GABBR2: variants seen among roughly 807,000 people sequenced by gnomAD.
The protein encoded by GABBR2 is G-protein coupled receptor 51.
A neutral mutation model predicts 105.6 loss-of-function variants in GABBR2; 23 were observed. The observed-to-expected ratio is 0.22, with a 90% CI of 0.16 to 0.31. The LOEUF (loss-of-function observed/expected upper bound fraction) is 0.31. Ranked by LOEUF, GABBR2 falls within the 10% of genes least tolerant of loss-of-function variation. The pLI, the probability that GABBR2 is intolerant of heterozygous loss-of-function variation, is 1.00. For missense variants in GABBR2, 734 were observed against 1,245.5 expected (o/e 0.59, Z 6.18); for synonymous variants, 478 against 499.7 (o/e 0.96, Z 0.58).
intron 2 of GABBR2, among the ~76,000 whole-genome samples, chr9:98,573,329 C>T (rs368497253): frequency 6.6e-6 from 1 of 152,116 alleles, no homozygotes; most frequent in East Asian, 1.9e-4. Flanking sequence ...TTCGCCCAGG[C>T]AGGAGTGCAG....
chr9:98,380,344 T>A (rs1055254014), intron 11 of GABBR2, among the ~76,000 whole-genome samples: 1 of 152,214 alleles, frequency 6.6e-6, no homozygotes, highest in Admixed American at 6.5e-5. Flanking sequence ...AGCCTCCTCA[T>A]CCTGTCTGCA....
At chr9:98,391,574 G>A (rs768958410) in intron 9 of GABBR2, among the ~76,000 whole-genome samples, 4 of 152,204 alleles carry the variant, frequency 2.6e-5, no homozygotes, top group Non-Finnish European at 5.9e-5. Flanking sequence ...AGGAGGTGAC[G>A]AAGGAGCTGA....
intron 8 of GABBR2, among the ~76,000 whole-genome samples, chr9:98,397,125 G>C (rs983839280): frequency 2.0e-5 from 3 of 152,184 alleles, no homozygotes; most frequent in Admixed American, 1.3e-4. Flanking sequence ...CCCCCATACT[G>C]AGCAGGGCTG....
chr9:98,448,286 C>T (rs945440928), intron 7 of GABBR2, among the ~76,000 whole-genome samples: 1 of 151,926 alleles, frequency 6.6e-6, no homozygotes, highest in Admixed American at 6.6e-5. Context: ...CCGAGACATT[C>T]CCCAGGAGCC....
At chr9:98,511,894 C>T (rs1197679144) in intron 3 of GABBR2, among the ~76,000 whole-genome samples, 2 of 152,186 alleles carry the variant, frequency 1.3e-5, no homozygotes, top group African/African-American at 4.8e-5. Context: ...GGAATCCTCC[C>T]TAACTCATTT....
At position 98,681,701 on chromosome 9, in the gene GABBR2, A is replaced by G. The variant is rs1830549521; in HGVS notation, c.321+26716T>C. The stretch of plus-strand genomic sequence containing the variant: ...AAATTATTTTTTATAAAATCAGCTC[A>G]TATTTTTCCATCTCCTTATGTCACC... On this transcript the variant is annotated intron_variant, in intron 1 of 18. Transcript: ENST00000259455. Among the ~76,000 whole-genome samples, 3 of 152,176 alleles carry G rather than the reference A, an allele frequency of 2.0e-5. No homozygotes were observed. In the South Asian group the frequency reaches 6.2e-4, roughly 32 times the overall value.
intron 7 of GABBR2, among the ~76,000 whole-genome samples, chr9:98,429,668 G>A (rs1449031116): frequency 2.0e-5 from 3 of 152,184 alleles, no homozygotes; most frequent in African/African-American, 7.2e-5. Flanking sequence ...CAGGAAGACA[G>A]GACCAAAGCT....
chr9:98,467,040 C>T (rs2131622035), intron 6 of GABBR2, among the ~76,000 whole-genome samples: 1 of 152,294 alleles, frequency 6.6e-6, no homozygotes, highest in East Asian at 1.9e-4. Context: ...AGGCCATATC[C>T]CCCTTTAATA....
chr9:98,428,839 C>T (rs909047751), intron 7 of GABBR2, among the ~76,000 whole-genome samples: 1 of 152,076 alleles, frequency 6.6e-6, no homozygotes, highest in Non-Finnish European at 1.5e-5. Context: ...TGGACCTGGC[C>T]CAGGAGAAAG....
intron 6 of GABBR2, among the ~76,000 whole-genome samples, chr9:98,459,797 T>C (rs1371005000): frequency 6.6e-6 from 1 of 152,158 alleles, no homozygotes; most frequent in Non-Finnish European, 1.5e-5. Flanking sequence ...CAAACCAAAA[T>C]AGATTGGGCC....
At chr9:98,511,550 C>A (rs1287616892) in intron 3 of GABBR2, among the ~76,000 whole-genome samples, 1 of 150,794 alleles carries the variant, frequency 6.6e-6, no homozygotes, top group Non-Finnish European at 1.5e-5. Context: ...ATCAAATAGA[C>A]ACAATAAAAA....
chr9:98,705,654 C>G (rs775790820), intron 1 of GABBR2, among the ~76,000 whole-genome samples: 1 of 152,268 alleles, frequency 6.6e-6, no homozygotes, highest in Non-Finnish European at 1.5e-5. Context: ...ACACTAGCCA[C>G]AAACATTCTT....
intron 1 of GABBR2, among the ~76,000 whole-genome samples, chr9:98,594,516 G>A (rs1256914667): frequency 6.6e-6 from 1 of 152,198 alleles, no homozygotes; most frequent in African/African-American, 2.4e-5. Context: ...CTCTGGGAGA[G>A]GAATTTGCTG....
intron 10 of GABBR2, 90 bp from the exon 11 acceptor site, chr9:98,385,862 A>G: frequency 9.6e-7 from 1 of 1,039,990 alleles, no homozygotes; most frequent in South Asian, 1.4e-5. Context: ...CTAGATATAT[A>G]TTGTTGCTCA....
chr9:98,301,817 G>A (rs879559209), intron 16 of GABBR2, among the ~76,000 whole-genome samples: 28 of 152,098 alleles, frequency 1.8e-4, no homozygotes, highest in Non-Finnish European at 3.2e-4. Flanking sequence ...ATGGGCTTTG[G>A]GGGACAGAAA....
chr9:98,303,498 T>A lies in GABBR2; in HGVS notation c.2230-75A>T. ...TCCTCCCATCCCACATGGCAGACTCTCCCAGCAGATCCTGCTCTGGAGGCG... is the reference window on the plus strand; with the variant it reads ...TCCTCCCATCCCACATGGCAGACTCACCCAGCAGATCCTGCTCTGGAGGCG... On this transcript the variant is annotated intron_variant, in intron 15 of 18. Coordinates refer to ENST00000259455, the MANE Select transcript of GABBR2 (RefSeq NM_005458.8). 3.1e-6 allele frequency: 4 copies of A among 1,282,160 alleles called. No homozygotes were observed. The South Asian group carries it at 5.4e-5, about 17-fold the overall frequency. 79.4% of individuals were successfully genotyped at this position (1,282,160 alleles called of 1,614,324 possible).
chr9:98,409,747 G>T (rs1030536515), intron 7 of GABBR2, among the ~76,000 whole-genome samples: 3 of 152,192 alleles, frequency 2.0e-5, no homozygotes, highest in Non-Finnish European at 2.9e-5. Flanking sequence ...GAAGGACCAT[G>T]GAATCCCGAG....
chr9:98,606,858 A>C, intron 1 of GABBR2: 1 of 502,184 alleles, frequency 2.0e-6, no homozygotes, highest in African/African-American at 1.9e-5. Flanking sequence ...TGCTGAGGAG[A>C]GAAGCGTCCA....
chr9:98,494,895 AT>A (rs1410187012), intron 4 of GABBR2, among the ~76,000 whole-genome samples: 2 of 152,238 alleles, frequency 1.3e-5, no homozygotes, highest in African/African-American at 4.8e-5. Context: ...AAGTCCATAG[AT>A]GCTGGGCCTC....
Sources: allele counts gnomAD v4.1 joint callset (sites outside exome capture counted in the v4.1 genomes callset), GRCh38; gene constraint gnomAD v4.1.1; transcripts MANE v1.5; gene names NCBI Gene and HGNC (gene_info 2026-07-23, HGNC 2026-07-21).